KIAA1328: variants seen among roughly 807,000 people sequenced by gnomAD.
KIAA1328 encodes KIAA1328.
A neutral mutation model predicts 68.1 loss-of-function variants in KIAA1328; 52 were observed. The ratio of observed to expected loss-of-function variants is 0.76; its 90% confidence interval spans 0.61 to 0.96. KIAA1328 has a LOEUF of 0.96. Among genes scored for constraint, KIAA1328 ranks in the 40% least tolerant of loss-of-function variants. The pLI, the probability that KIAA1328 is intolerant of heterozygous loss-of-function variation, is 0.00. For missense variants in KIAA1328, 641 were observed against 677.6 expected (o/e 0.95, Z 0.60); for synonymous variants, 232 against 239.4 (o/e 0.97, Z 0.28).
intron 5 of KIAA1328, 30 bp from the exon 6 acceptor site, chr18:36,959,278 C>A (rs1381994397): frequency 2.0e-6 from 3 of 1,535,488 alleles, no homozygotes; most frequent in East Asian, 2.3e-5. Context: ...ATCAATTTTT[C>A]AGTTTTTTTC....
chr18:36,961,710 C>G (rs2051683072), intron 6 of KIAA1328, among the ~76,000 whole-genome samples: 1 of 152,108 alleles, frequency 6.6e-6, no homozygotes, highest in Admixed American at 6.5e-5. Context: ...CATATCCAGC[C>G]AAACTAAGCT....
At chr18:36,967,540 G>T (rs1157790627) in intron 6 of KIAA1328, among the ~76,000 whole-genome samples, 1 of 152,156 alleles carries the variant, frequency 6.6e-6, no homozygotes, top group African/African-American at 2.4e-5. Flanking sequence ...ATGGTAACTT[G>T]TTTTGGAAAA....
chr18:37,064,886 C>T (rs899354983), intron 6 of KIAA1328, among the ~76,000 whole-genome samples: 4 of 152,178 alleles, frequency 2.6e-5, no homozygotes, highest in East Asian at 1.9e-4. Flanking sequence ...GCCCTCCCAA[C>T]GTCTTGACTT....
rs114233996 is a variant in KIAA1328, at chr18:36,924,757, G to A, written c.449-34551G>A. On this transcript the variant is annotated intron_variant, in intron 5 of 9. Transcript: ENST00000280020. ...AATATTTATTAGGTATAGAAAGATA[G>A]GACCTTAGAATAAGAATGAAAATGA... 6.6e-3 allele frequency among the ~76,000 whole-genome samples: 1,001 copies of A among 152,022 alleles called. 15 individuals are homozygous for A. The highest frequency in any genetic ancestry group is 0.022 in the African/African-American group (925 of 41,456).
downstream of KIAA1328, chr18:37,229,575 T>C (rs1488442226): frequency 7.8e-7 from 1 of 1,277,326 alleles, no homozygotes; most frequent in South Asian, 1.3e-5. Flanking sequence ...CTAGTCAATC[T>C]TCAAGAAGTA....
intron 7 of KIAA1328, among the ~76,000 whole-genome samples, chr18:37,127,844 A>G (rs944038258): frequency 2.6e-5 from 4 of 152,242 alleles, no homozygotes; most frequent in African/African-American, 9.6e-5. Flanking sequence ...AATAAAGTTC[A>G]GTACTGAAAT....
intron 7 of KIAA1328, among the ~76,000 whole-genome samples, chr18:37,124,265 A>T (rs2058340094): frequency 6.6e-6 from 1 of 152,140 alleles, no homozygotes; most frequent in Non-Finnish European, 1.5e-5. Context: ...TTTCAAATAG[A>T]TTTGTACCTG....
intron 7 of KIAA1328, among the ~76,000 whole-genome samples, chr18:37,134,608 C>T (rs1041268248): frequency 1.3e-5 from 2 of 152,110 alleles, no homozygotes; most frequent in Admixed American, 6.5e-5. Flanking sequence ...TGTGTACCTC[C>T]TGGAAAATCT....
intron 7 of KIAA1328, among the ~76,000 whole-genome samples, chr18:37,105,948 A>T (rs948161684): frequency 2.1e-5 from 3 of 145,466 alleles, no homozygotes; most frequent in African/African-American, 7.7e-5. Flanking sequence ...AAAAAAAAGA[A>T]TTATAGTATA....
intron 7 of KIAA1328, among the ~76,000 whole-genome samples, 186 bp downstream of exon 7, chr18:37,067,731 T>C (rs2056396082): frequency 6.6e-6 from 1 of 152,082 alleles, no homozygotes; most frequent in Admixed American, 6.5e-5. Context: ...GGCTAATTTT[T>C]GTATTTTTAG....
chr18:37,086,702 TTAG>T (rs1412649018), intron 7 of KIAA1328, among the ~76,000 whole-genome samples: 1 of 152,212 alleles, frequency 6.6e-6, no homozygotes, highest in African/African-American at 2.4e-5. Context: ...GCATTCTGAC[TTAG>T]TAGTTTTCCT....
chr18:36,993,522 A>G (rs1196160579), intron 6 of KIAA1328, among the ~76,000 whole-genome samples: 1 of 152,238 alleles, frequency 6.6e-6, no homozygotes, highest in Non-Finnish European at 1.5e-5. Flanking sequence ...ACTGTACAGA[A>G]AGAAAATTCA....
At chr18:36,928,080 C>T (rs188183762) in intron 5 of KIAA1328, among the ~76,000 whole-genome samples, 1 of 152,186 alleles carries the variant, frequency 6.6e-6, no homozygotes, top group Non-Finnish European at 1.5e-5. Flanking sequence ...TACTGCCAAC[C>T]CCAACCCCAG....
intron 8 of KIAA1328, among the ~76,000 whole-genome samples, chr18:37,170,475 C>A (rs2059478606): frequency 6.6e-6 from 1 of 152,132 alleles, no homozygotes; most frequent in Non-Finnish European, 1.5e-5. Flanking sequence ...TAGTGATGTT[C>A]AATAAATATT....
intron 5 of KIAA1328, among the ~76,000 whole-genome samples, chr18:36,944,164 T>C (rs2050809446): frequency 6.6e-6 from 1 of 152,222 alleles, no homozygotes; most frequent in Admixed American, 6.5e-5. Flanking sequence ...TGGATAATAA[T>C]CATGTTTGTA....
At chr18:37,061,359 G>A (rs1415051088) in intron 6 of KIAA1328, among the ~76,000 whole-genome samples, 2 of 152,190 alleles carry the variant, frequency 1.3e-5, no homozygotes, top group African/African-American at 4.8e-5. Flanking sequence ...AAGGGCACAA[G>A]GGAACTTTCT....
intron 7 of KIAA1328, among the ~76,000 whole-genome samples, chr18:37,126,171 A>G (rs2058385594): frequency 6.6e-6 from 1 of 152,232 alleles, no homozygotes; most frequent in African/African-American, 2.4e-5. Context: ...CTTTGTATAT[A>G]AGGTATATGT....
chr18:37,191,954 T>A (rs1221344380), intron 9 of KIAA1328, among the ~76,000 whole-genome samples: 2 of 152,210 alleles, frequency 1.3e-5, no homozygotes, highest in African/African-American at 4.8e-5. Flanking sequence ...ATCTGCTGTG[T>A]TAAACTGGAC....
intron 7 of KIAA1328, among the ~76,000 whole-genome samples, chr18:37,077,801 A>G (rs1401895542): frequency 2.0e-5 from 3 of 150,822 alleles, no homozygotes; most frequent in South Asian, 2.1e-4. Flanking sequence ...AAGGAGAACT[A>G]CAAACCACTG....
Sources: gnomAD v4.1 joint callset for allele counts (sites outside exome capture counted in the v4.1 genomes callset) on GRCh38, gnomAD v4.1.1 for gene constraint, MANE v1.5 for transcripts, NCBI Gene and HGNC (gene_info 2026-07-23, HGNC 2026-07-21) for gene names.